The following PPM1L variants were observed in gnomAD, a reference collection of about 807,000 sequenced individuals.
PPM1L encodes the protein protein phosphatase 1L.
PPM1L carries 13 observed loss-of-function variants against 31.4 expected under a neutral mutation model. That is an observed-to-expected ratio of 0.41 (90% confidence interval 0.27 to 0.66). The LOEUF (loss-of-function observed/expected upper bound fraction) is 0.66. PPM1L is among the 30% of genes least tolerant of loss of function. The pLI is 0.29. For synonymous variants in PPM1L, 184 were observed against 175.4 expected, an observed-to-expected ratio of 1.05 and a Z score of -0.39; for missense variants, 326 against 453.7, an observed-to-expected ratio of 0.72 and a Z score of 2.56.
intron 1 of PPM1L, among the ~76,000 whole-genome samples, chr3:160,824,412 A>T (rs185799841): frequency 1.0e-3 from 159 of 152,296 alleles, no homozygotes; most frequent in Middle Eastern, 3.4e-3. Flanking sequence ...TTATTAAAGT[A>T]CTGAACCATA....
In PPM1L at chr3:161,069,272, TCC is replaced by T. The variant is rs747151319; in HGVS notation, c.*120_*121del. ...AGGATCATCCACCCCAGACATGGAATCCCCCCTCCCTGGTGGTCTTAGGTCTA... is the reference window on the plus strand; with the variant it reads ...AGGATCATCCACCCCAGACATGGAATCCCCTCCCTGGTGGTCTTAGGTCTA... On this transcript the variant is annotated 3_prime_UTR_variant, in exon 4 of 4. Transcript: ENST00000498165. 5 of 796,568 alleles carry T rather than the reference TCC, an allele frequency of 6.3e-6. No homozygotes were observed. The highest frequency in any genetic ancestry group is 9.7e-6 in the Non-Finnish European group (5 of 515,916). 49.3% of individuals were successfully genotyped at this position (796,568 alleles called of 1,614,324 possible).
intron 1 of PPM1L, among the ~76,000 whole-genome samples, chr3:160,762,839 G>A (rs974877261): frequency 6.6e-6 from 1 of 152,152 alleles, no homozygotes; most frequent in Non-Finnish European, 1.5e-5. Flanking sequence ...TTCCCCAACG[G>A]TAATCATTCT....
chr3:160,797,776 T>G (rs1712302931), intron 1 of PPM1L, among the ~76,000 whole-genome samples: 1 of 152,164 alleles, frequency 6.6e-6, no homozygotes, highest in South Asian at 2.1e-4. Context: ...GCCCTAACTC[T>G]CTTGAATTGT....
At chr3:160,896,811 C>T (rs946501936) in intron 1 of PPM1L, among the ~76,000 whole-genome samples, 5 of 152,088 alleles carry the variant, frequency 3.3e-5, no homozygotes, top group African/African-American at 7.2e-5. Flanking sequence ...GGAATCACTT[C>T]CTTATGATTT....
At chr3:160,964,449 T>G (rs936026742) in intron 2 of PPM1L, among the ~76,000 whole-genome samples, 7 of 152,078 alleles carry the variant, frequency 4.6e-5, no homozygotes, top group African/African-American at 1.7e-4. Context: ...GTCTTCATCC[T>G]CATTGTCTTT....
At chr3:161,062,523 C>T (rs1342132728) in intron 2 of PPM1L, among the ~76,000 whole-genome samples, 1 of 152,198 alleles carries the variant, frequency 6.6e-6, no homozygotes, top group African/African-American at 2.4e-5. Flanking sequence ...CACCTGTTCT[C>T]ACTGCTCCCA....
chr3:160,996,259 T>C (rs1181746798), intron 2 of PPM1L, among the ~76,000 whole-genome samples: 1 of 152,148 alleles, frequency 6.6e-6, no homozygotes, highest in East Asian at 1.9e-4. Flanking sequence ...AAAGTAGAGC[T>C]ACCATTCGAT....
In PPM1L at chr3:160,772,505, C is replaced by T. The variant is rs566286853; in HGVS notation, c.399+15798C>T. On this transcript the variant is annotated intron_variant, in intron 1 of 3. Coordinates refer to ENST00000498165, the MANE Select transcript of PPM1L (RefSeq NM_139245.4). ...GGAGAAGGTCATCTAATACATACTT[C>T]ATATTCAAATTTTGCCAATTTCTCT... is the stretch of plus-strand genomic sequence containing the variant. Among the ~76,000 whole-genome samples the T allele has an allele frequency of 8.5e-5, 13 of 152,346 alleles. No homozygotes were observed. In the East Asian group the frequency reaches 2.5e-3, roughly 29 times the overall value.
intron 1 of PPM1L, among the ~76,000 whole-genome samples, chr3:160,959,221 C>G (rs1048553715): frequency 6.6e-6 from 1 of 151,900 alleles, no homozygotes; most frequent in African/African-American, 2.4e-5. Flanking sequence ...ATCATAAATT[C>G]TCACTTATAA....
At position 160,808,367 on chromosome 3, in the gene PPM1L, C is replaced by T. The variant is rs542217088; in HGVS notation, c.399+51660C>T. ...GGGAAGCTGGGCTTCATAAGAGCTG[C>T]AGTGCCAGGATTTTCCTGTGTGTGT... On this transcript the variant is annotated intron_variant, in intron 1 of 3. Coordinates refer to ENST00000498165, the MANE Select transcript of PPM1L (RefSeq NM_139245.4). Among the ~76,000 whole-genome samples the T allele has an allele frequency of 5.9e-5, 7 of 118,700 alleles. No individual in the cohort carries two copies. The East Asian group carries it at 1.7e-3, about 28-fold the overall frequency. The allele number at this position is 118,700 out of a possible 152,430, so 77.9% of individuals were successfully genotyped here. A position where few individuals can be genotyped will look rare whatever the true frequency, so the allele number is the denominator to read the frequency against.
In PPM1L at chr3:161,058,118, C is replaced by CTTTTTTTTTTTTTTTTTTTTTTTTTT. The variant is rs1186931971; in HGVS notation, c.575-7261_575-7260insTTTTTTTTTTTTTTTTTTTTTTTTTT. On this transcript the variant is annotated intron_variant, in intron 2 of 3. Transcript: ENST00000498165. ...TTAGTAGGGTCCATCATTTTCTTTC[C>CTTTTTTTTTTTTTTTTTTTTTTTTTT]TTTTTTTTTTTTTTTTTTTTTTTTG... 3.3e-4 allele frequency among the ~76,000 whole-genome samples: 18 copies of CTTTTTTTTTTTTTTTTTTTTTTTTTT among 54,928 alleles called. 5 individuals are homozygous for CTTTTTTTTTTTTTTTTTTTTTTTTTT. Among genetic ancestry groups the CTTTTTTTTTTTTTTTTTTTTTTTTTT allele is most frequent in the Non-Finnish European group, 5.0e-4 (14 of 28,194 alleles). The allele number at this position is 54,928 out of a possible 152,430, so 36.0% of individuals were successfully genotyped here.
chr3:160,905,881 T>G (rs1839021), intron 1 of PPM1L, among the ~76,000 whole-genome samples: 63,601 of 151,932 alleles, frequency 0.42, 14,901 homozygotes, highest in Non-Finnish European at 0.54. Context: ...AAGACTTTTT[T>G]CTTTTTATTT....
At chr3:160,833,887 T>C (rs1337233497) in intron 1 of PPM1L, among the ~76,000 whole-genome samples, 3 of 152,112 alleles carry the variant, frequency 2.0e-5, no homozygotes, top group Admixed American at 6.6e-5. Flanking sequence ...GATTTTCTTC[T>C]AGGGTTTTTA....
At chr3:161,059,372 G>T (rs762976561) in intron 2 of PPM1L, among the ~76,000 whole-genome samples, 1 of 152,126 alleles carries the variant, frequency 6.6e-6, no homozygotes, top group Non-Finnish European at 1.5e-5. Context: ...GTACAGGAGG[G>T]TCATCGTGTT....
chr3:161,057,353 A>G (rs907638120), intron 2 of PPM1L, among the ~76,000 whole-genome samples: 5 of 152,120 alleles, frequency 3.3e-5, no homozygotes, highest in Admixed American at 6.6e-5. Context: ...GGTAGATGTG[A>G]TAATTCCTCC....
chr3:160,949,300 T>C (rs1350225930), intron 1 of PPM1L, among the ~76,000 whole-genome samples: 1 of 152,222 alleles, frequency 6.6e-6, no homozygotes, highest in Non-Finnish European at 1.5e-5. Context: ...TGTGTATTTC[T>C]GGGAAAAGGA....
At chr3:160,807,532 T>C (rs1370683967) in intron 1 of PPM1L, among the ~76,000 whole-genome samples, 1 of 152,192 alleles carries the variant, frequency 6.6e-6, no homozygotes, top group Admixed American at 6.5e-5. Context: ...TTGTTTTATA[T>C]TGGGACCACT....
Position 160,756,836 on chromosome 3 carries a change from C to A in PPM1L, c.399+129C>A. The A allele has an allele frequency of 9.4e-7, 1 of 1,064,332 alleles. No individual in the cohort carries two copies. Among genetic ancestry groups the A allele is most frequent in the African/African-American group, 1.6e-5 (1 of 61,810 alleles). The allele number at this position is 1,064,332 out of a possible 1,614,324, so 65.9% of individuals were successfully genotyped here. A position where few individuals can be genotyped will look rare whatever the true frequency, so the allele number is the denominator to read the frequency against. The stretch of plus-strand genomic sequence containing the variant: ...TGCGCAGCGGGAGAGGATCTGGGTG[C>A]GAGGGGCGTGGTGATGACACCACGG... On this transcript the variant is annotated intron_variant, in intron 1 of 3. Coordinates refer to ENST00000498165, the MANE Select transcript of PPM1L (RefSeq NM_139245.4). The surrounding 1 kb of genome is among the most constrained non-coding windows in gnomAD (Gnocchi z 6.2).
rs149230753 is a variant in PPM1L, at chr3:160,786,889, G to T, written c.399+30182G>T. ...CTCTGTTAATTTGATTAGGATAATG[G>T]CCTCTAGCTGGATTCATGTTGCCGC... is the stretch of plus-strand genomic sequence containing the variant. On this transcript the variant is annotated intron_variant, in intron 1 of 3. Coordinates refer to ENST00000498165, the MANE Select transcript of PPM1L (RefSeq NM_139245.4). Among the ~76,000 whole-genome samples the T allele has an allele frequency of 7.9e-5, 12 of 152,170 alleles. No individual in the cohort carries two copies. The East Asian group carries it at 1.9e-3, about 24-fold the overall frequency.
Sources: allele counts gnomAD v4.1 joint callset (sites outside exome capture counted in the v4.1 genomes callset), GRCh38; gene constraint gnomAD v4.1.1; non-coding constraint Gnocchi (gnomAD v3.1); transcripts MANE v1.5; gene names NCBI Gene and HGNC (gene_info 2026-07-23, HGNC 2026-07-21).